The following FBXO5 variants were observed in gnomAD, a reference collection of about 807,000 sequenced individuals.
The protein encoded by FBXO5 is F-box protein 5, also known as F-box only protein 5.
A neutral mutation model predicts 43.3 loss-of-function variants in FBXO5; 8 were observed. The observed-to-expected ratio is 0.18, with a 90% CI of 0.11 to 0.33. The LOEUF (loss-of-function observed/expected upper bound fraction) is 0.33, where lower values mean the gene tolerates loss of function less well. Among genes scored for constraint, FBXO5 ranks in the 10% least tolerant of loss-of-function variants. FBXO5 has a pLI of 1.00. For synonymous variants in FBXO5, 204 were observed against 193.7 expected (o/e 1.05, Z -0.44); for missense variants, 491 against 535.7 (o/e 0.92, Z 0.82).
intron 1 of FBXO5, among the ~76,000 whole-genome samples, chr6:152,977,350 C>CG (rs772369322): frequency 2.7e-4 from 41 of 152,090 alleles, no homozygotes; most frequent in Non-Finnish European, 5.6e-4. Context: ...ATTGGTAATG[C>CG]GTTCATATAA....
At chr6:152,983,247 C>A (rs1778296742), upstream of FBXO5, 1 of 329,126 alleles carries the variant, frequency 3.0e-6, no homozygotes, top group African/African-American at 2.1e-5. Flanking sequence ...CTCCCCACGT[C>A]CGGAAAGATG....
chr6:152,974,785 A>G (rs1042529993), intron 2 of FBXO5, 122 bp downstream of exon 2: 16 of 741,044 alleles, frequency 2.2e-5, no homozygotes, highest in Non-Finnish European at 3.3e-5. Context: ...TTCTGGTACT[A>G]AGCATTTCAG....
chr6:152,981,227 C>T (rs1022008870), intron 1 of FBXO5, among the ~76,000 whole-genome samples: 1 of 152,150 alleles, frequency 6.6e-6, no homozygotes, highest in African/African-American at 2.4e-5. Context: ...GTTTAAACTT[C>T]TCATTTACCA....
In FBXO5 at chr6:152,971,033, G is replaced by A; in HGVS notation, c.*130C>T. The A allele has an allele frequency of 3.7e-6, 3 of 812,144 alleles. No homozygotes were observed. Among genetic ancestry groups the A allele is most frequent in the Non-Finnish European group, 3.6e-6 (2 of 557,564 alleles). 50.3% of individuals were successfully genotyped at this position (812,144 alleles called of 1,614,324 possible). A position where few individuals can be genotyped will look rare whatever the true frequency, so the allele number is the denominator to read the frequency against. On this transcript the variant is annotated 3_prime_UTR_variant, in exon 5 of 5. Transcript: ENST00000229758. The stretch of plus-strand genomic sequence containing the variant: ...TGTCTATCCTCTTTATCTTCTGGGG[G>A]GAAAAAAACCTCAGGATACTACACC...
At chr6:152,976,786 C>T (rs540209898) in intron 1 of FBXO5, among the ~76,000 whole-genome samples, 2 of 152,200 alleles carry the variant, frequency 1.3e-5, no homozygotes, top group African/African-American at 2.4e-5. Flanking sequence ...ATGGAGCAGG[C>T]AGCATCTTAA....
Position 152,975,631 on chromosome 6 carries a change from G to T in FBXO5, c.104-10C>A, listed in dbSNP as rs201751884. The T allele has an allele frequency of 9.3e-5, 144 of 1,544,490 alleles. 1 individual carries two copies. The African/African-American group carries it at 1.8e-3, about 19-fold the overall frequency. On this transcript the variant is annotated splice_polypyrimidine_tract_variant and intron_variant, in intron 1 of 4. Coordinates refer to ENST00000229758, the MANE Select transcript of FBXO5 (RefSeq NM_012177.5). ...CTTTCTTCTTTACAACCTATAAAAA[G>T]AACATAACATTTACATCTTAATGGC...
chr6:152,972,064 C>A (rs994245888), intron 4 of FBXO5, among the ~76,000 whole-genome samples: 1 of 151,862 alleles, frequency 6.6e-6, no homozygotes, highest in South Asian at 2.1e-4. Context: ...ACATTGAGAG[C>A]GAAATGAAGA....
chr6:152,975,499 G>A lies in FBXO5; in HGVS notation c.226C>T (p.Pro76Ser). The change falls in exon 2 of 5, where the codon CCT becomes TCT. Residue 76 changes from proline to serine, a missense_variant. Transcript: ENST00000229758. ...TTACAGGAACCTTCCAAATATGCAG[G>A]GGTGTAGGAAACTAGTCTTCCAATG... is the stretch of plus-strand genomic sequence containing the variant. ...DDIGRLVSYT[P>S]AYLEGSCKDC... is the part of the protein sequence containing the mutation. The A allele has an allele frequency of 6.2e-7, 1 of 1,613,884 alleles. No homozygotes were observed.
intron 3 of FBXO5, 30 bp downstream of exon 3, chr6:152,973,016 T>G: frequency 6.3e-7 from 1 of 1,575,210 alleles, no homozygotes; most frequent in Non-Finnish European, 8.7e-7. Context: ...AGTGCATTTT[T>G]AACTAAAAAC....
chr6:152,971,299 A>T lies in FBXO5; in HGVS notation c.1208T>A (p.Phe403Tyr). The T allele has an allele frequency of 6.2e-7, 1 of 1,614,098 alleles. No homozygotes were observed. Among genetic ancestry groups the T allele is most frequent in the African/African-American group, 1.3e-5 (1 of 75,062 alleles). Residue 403 changes from phenylalanine to tyrosine, a missense_variant, in exon 5 of 5, where the codon TTT becomes TAT. Transcript: ENST00000229758. ...RATCKREGCG[F>Y]DYCTKCLCNY... ...ACAGAGACACTTCGTACAATAATCA[A>T]ATCCACAGCCTTCTCGTTTGCAGGT...
At chr6:152,978,275 T>A (rs1212900915) in intron 1 of FBXO5, among the ~76,000 whole-genome samples, 3 of 151,376 alleles carry the variant, frequency 2.0e-5, no homozygotes, top group African/African-American at 7.3e-5. Flanking sequence ...GACCTTTCCA[T>A]CCCAGGGGCT....
intron 1 of FBXO5, among the ~76,000 whole-genome samples, chr6:152,982,076 A>G (rs1778268538): frequency 6.6e-6 from 1 of 152,232 alleles, no homozygotes; most frequent in Non-Finnish European, 1.5e-5. Flanking sequence ...TGCTTTTTTT[A>G]AAGTCTTCCC....
intron 1 of FBXO5, among the ~76,000 whole-genome samples, chr6:152,977,296 T>A (rs1484875617): frequency 6.6e-6 from 1 of 150,754 alleles, no homozygotes; most frequent in Non-Finnish European, 1.5e-5. Context: ...ATTTATCCTG[T>A]AAGTAAATGT....
At chr6:152,983,518 C>T (rs1039530166), upstream of FBXO5, 1 of 152,438 alleles carries the variant, frequency 6.6e-6, no homozygotes, top group African/African-American at 2.4e-5. Flanking sequence ...TCCGGGAATC[C>T]AGACTTTCCG....
upstream of FBXO5, chr6:152,983,325 T>C (rs1470611531): frequency 9.5e-6 from 2 of 210,966 alleles, no homozygotes; most frequent in East Asian, 2.0e-4. Context: ...GGAGGGTCTA[T>C]CACGCATGCG....
At chr6:152,978,913 C>T (rs1215134384) in intron 1 of FBXO5, among the ~76,000 whole-genome samples, 1 of 151,864 alleles carries the variant, frequency 6.6e-6, no homozygotes. Context: ...ATTGCTTGAG[C>T]CCGGGAGGTT....
chr6:152,981,003 C>G (rs899983596), intron 1 of FBXO5, among the ~76,000 whole-genome samples: 1 of 152,162 alleles, frequency 6.6e-6, no homozygotes, highest in South Asian at 2.1e-4. Context: ...CATTGACAAT[C>G]ATTAACATTT....
upstream of FBXO5, chr6:152,983,134 AC>A (rs796489746): frequency 2.8e-4 from 120 of 423,244 alleles, no homozygotes; most frequent in African/African-American, 2.3e-3. Context: ...GCATGCGCGC[AC>A]CAATAGGAGG....
chr6:152,978,618 C>T (rs1376491223), intron 1 of FBXO5, among the ~76,000 whole-genome samples: 3 of 151,954 alleles, frequency 2.0e-5, no homozygotes, highest in East Asian at 1.9e-4. Context: ...CTCTTCCTCA[C>T]GAAATTAGCA....
Sources: gnomAD v4.1 joint callset for allele counts (sites outside exome capture counted in the v4.1 genomes callset) on GRCh38, gnomAD v4.1.1 for gene constraint, MANE v1.5 for transcripts, NCBI Gene and HGNC (gene_info 2026-07-23, HGNC 2026-07-21) for gene names.